ANKFN1: variants seen among roughly 807,000 people sequenced by gnomAD.
The protein encoded by ANKFN1 is ankyrin repeat and fibronectin type III domain containing 1, also known as ankyrin repeat and fibronectin type-III domain-containing protein 1.
In ANKFN1, 74 loss-of-function variants were observed where a neutral mutation model predicts 108.7. The observed-to-expected ratio is 0.68, with a 90% CI of 0.56 to 0.83. The LOEUF (loss-of-function observed/expected upper bound fraction) is 0.83. Among genes scored for constraint, ANKFN1 ranks in the 40% least tolerant of loss-of-function variants. ANKFN1 has a pLI of 0.00. For missense variants in ANKFN1, 1,505 were observed against 1,382.3 expected (o/e 1.09, Z -1.41); for synonymous variants, 547 against 516.2 (o/e 1.06, Z -0.81).
chr17:56,477,572 GATCAA>G lies in ANKFN1; in HGVS notation c.1865_1869del (p.Ile622SerfsTer18). 3 of 1,613,326 alleles carry G rather than the reference GATCAA, an allele frequency of 1.9e-6. No homozygotes were observed. The highest frequency in any genetic ancestry group is 2.5e-6 in the Non-Finnish European group (3 of 1,179,770). Reference sequence around the variant, plus strand: ...TTACCTAAAGCTCTGTAGCTCTGTGGATCAAATCAAAGTTCTTGTTACCCAAAAGT... The same window carrying G: ...TTACCTAAAGCTCTGTAGCTCTGTGGATCAAAGTTCTTGTTACCCAAAAGT... On this transcript the variant is annotated frameshift_variant, in exon 16 of 21. Transcript: ENST00000682825. LOFTEE classifies it high-confidence loss of function.
intron 4 of ANKFN1, among the ~76,000 whole-genome samples, chr17:56,100,678 T>C (rs556717777): frequency 6.6e-6 from 1 of 152,278 alleles, no homozygotes; most frequent in African/African-American, 2.4e-5. Context: ...AGAGACTTAG[T>C]AGTCTTCAGA....
intron 4 of ANKFN1, among the ~76,000 whole-genome samples, chr17:56,343,200 ATTAT>A (rs977527805): frequency 1.3e-5 from 2 of 151,418 alleles, no homozygotes; most frequent in African/African-American, 4.8e-5. Context: ...TCATTGCTCA[ATTAT>A]TTATCTTTCT....
At chr17:56,211,571 C>G (rs913133345) in intron 1 of ANKFN1, among the ~76,000 whole-genome samples, 1 of 151,964 alleles carries the variant, frequency 6.6e-6, no homozygotes, top group Non-Finnish European at 1.5e-5. Flanking sequence ...TTTGTTTAGT[C>G]TTGCTTTGGC....
intron 1 of ANKFN1, among the ~76,000 whole-genome samples, chr17:56,180,230 A>G (rs1425533950): frequency 6.6e-6 from 1 of 152,130 alleles, no homozygotes; most frequent in Non-Finnish European, 1.5e-5. Flanking sequence ...GCAAGGTCAT[A>G]TTCTGTCTCT....
chr17:56,299,491 G>A (rs1247389923), intron 3 of ANKFN1, among the ~76,000 whole-genome samples: 1 of 152,110 alleles, frequency 6.6e-6, no homozygotes, highest in Non-Finnish European at 1.5e-5. Flanking sequence ...AATGTCTTTG[G>A]GATATTTATG....
intron 15 of ANKFN1, among the ~76,000 whole-genome samples, chr17:56,474,580 T>C (rs1172155960): frequency 6.6e-6 from 1 of 152,186 alleles, no homozygotes; most frequent in Non-Finnish European, 1.5e-5. Context: ...TATTTGTCCT[T>C]TTCTGGTCTT....
chr17:56,339,759 A>G (rs1172843088), intron 4 of ANKFN1, among the ~76,000 whole-genome samples: 1 of 152,014 alleles, frequency 6.6e-6, no homozygotes, highest in African/African-American at 2.4e-5. Context: ...TAGTCCTGCA[A>G]TGAACATATG....
intron 8 of ANKFN1, among the ~76,000 whole-genome samples, chr17:56,385,460 A>G (rs1470269841): frequency 3.9e-5 from 6 of 152,188 alleles, no homozygotes. Context: ...AAAAGTCAAA[A>G]TTGACAAATG....
At chr17:56,359,953 A>G (rs928593187) in intron 6 of ANKFN1, among the ~76,000 whole-genome samples, 1 of 152,078 alleles carries the variant, frequency 6.6e-6, no homozygotes, top group African/African-American at 2.4e-5. Context: ...TGAGAGTCAC[A>G]CCTGATTTTT....
intron 1 of ANKFN1, among the ~76,000 whole-genome samples, chr17:56,203,047 A>G (rs1598229513): frequency 6.6e-6 from 1 of 152,216 alleles, no homozygotes; most frequent in Admixed American, 6.5e-5. Context: ...CTCTGCTTTT[A>G]TTATGAAGGA....
intron 4 of ANKFN1, among the ~76,000 whole-genome samples, chr17:56,092,225 A>C (rs149891989): frequency 0.013 from 1,885 of 150,038 alleles, 89 homozygotes; most frequent in African/African-American, 0.044. Flanking sequence ...TTTTCTTTTA[A>C]TTTGTCTGCA....
At chr17:56,317,036 A>T in intron 3 of ANKFN1, among the ~76,000 whole-genome samples, 1 of 152,196 alleles carries the variant, frequency 6.6e-6, no homozygotes, top group East Asian at 1.9e-4. Flanking sequence ...GATCACATAT[A>T]TTGACTCTGA....
At chr17:56,207,635 C>G (rs1351587301) in intron 1 of ANKFN1, among the ~76,000 whole-genome samples, 1 of 152,196 alleles carries the variant, frequency 6.6e-6, no homozygotes, top group Non-Finnish European at 1.5e-5. Context: ...ATTCTCCACT[C>G]TTTTCAGACA....
intron 1 of ANKFN1, among the ~76,000 whole-genome samples, chr17:56,198,899 C>T (rs925711066): frequency 6.6e-6 from 1 of 152,138 alleles, no homozygotes. Flanking sequence ...AGGTAGGGAT[C>T]GCTACCACCT....
intron 19 of ANKFN1, among the ~76,000 whole-genome samples, chr17:56,493,556 T>G (rs530672298): frequency 6.6e-6 from 1 of 152,154 alleles, no homozygotes; most frequent in Non-Finnish European, 1.5e-5. Context: ...ATGTCAATGA[T>G]AGCAGATCAC....
chr17:56,195,471 T>A (rs147445566), intron 1 of ANKFN1: 1 of 152,218 alleles, frequency 6.6e-6, no homozygotes, highest in Non-Finnish European at 1.5e-5. Context: ...ATTCAGTTCT[T>A]ACTGGTTCCC....
At chr17:56,142,251 T>G (rs572322212) in intron 4 of ANKFN1, among the ~76,000 whole-genome samples, 36 of 152,236 alleles carry the variant, frequency 2.4e-4, no homozygotes, top group Admixed American at 2.4e-3. Context: ...CTTTATGGTC[T>G]AGGGAGTTTC....
chr17:56,199,873 A>G (rs1298523774), intron 1 of ANKFN1, among the ~76,000 whole-genome samples: 2 of 152,198 alleles, frequency 1.3e-5, no homozygotes, highest in Admixed American at 6.5e-5. Flanking sequence ...TTTCTTTGGT[A>G]AATCTGGCAA....
chr17:56,176,671 C>T (rs1172897062), intron 1 of ANKFN1, among the ~76,000 whole-genome samples: 1 of 152,104 alleles, frequency 6.6e-6, no homozygotes, highest in Non-Finnish European at 1.5e-5. Context: ...TTTTTTAAGA[C>T]TTATGTGCAA....
Sources: allele counts gnomAD v4.1 joint callset (sites outside exome capture counted in the v4.1 genomes callset), GRCh38; gene constraint gnomAD v4.1.1; transcripts MANE v1.5; gene names NCBI Gene and HGNC (gene_info 2026-07-23, HGNC 2026-07-21).